The following MAD1L1 variants were observed in gnomAD, a reference collection of about 807,000 sequenced individuals.
MAD1L1 encodes mitotic spindle assembly checkpoint protein MAD1.
MAD1L1 carries 95 observed loss-of-function variants against 96.9 expected under a neutral mutation model. The observed-to-expected ratio is 0.98, with a 90% CI of 0.83 to 1.16. The LOEUF is 1.16. MAD1L1 is among the 50% of genes most tolerant of loss of function. The pLI is 0.00. For missense variants in MAD1L1, 1,007 were observed against 954.4 expected, an observed-to-expected ratio of 1.06 and a Z score of -0.73; for synonymous variants, 473 against 396.6, an observed-to-expected ratio of 1.19 and a Z score of -2.29.
At chr7:2,085,506 G>C (rs1186536382) in intron 11 of MAD1L1, among the ~76,000 whole-genome samples, 1 of 152,254 alleles carries the variant, frequency 6.6e-6, no homozygotes, top group African/African-American at 2.4e-5. Flanking sequence ...GGCCACGGCA[G>C]TGTCTCAGGA....
chr7:2,143,511 G>T (rs1789144701), intron 11 of MAD1L1, among the ~76,000 whole-genome samples: 1 of 151,782 alleles, frequency 6.6e-6, no homozygotes, highest in Non-Finnish European at 1.5e-5. Context: ...GAGGCAGGAA[G>T]AGGCTCAGAA....
intron 10 of MAD1L1, among the ~76,000 whole-genome samples, chr7:2,200,995 C>T (rs1006818975): frequency 7.1e-5 from 10 of 140,962 alleles, no homozygotes; most frequent in African/African-American, 2.3e-4. Context: ...AGGTGGAGGG[C>T]GGGAAGGGTG....
At chr7:2,167,680 T>C (rs1215666675) in intron 10 of MAD1L1, among the ~76,000 whole-genome samples, 2 of 151,592 alleles carry the variant, frequency 1.3e-5, no homozygotes, top group African/African-American at 4.9e-5. Context: ...TAGTGAGCTA[T>C]GATCACATCA....
At chr7:2,170,957 G>A (rs143169587) in intron 10 of MAD1L1, among the ~76,000 whole-genome samples, 1 of 152,284 alleles carries the variant, frequency 6.6e-6, no homozygotes, top group Non-Finnish European at 1.5e-5. Context: ...GGGGGTTGGC[G>A]GTTATAGGTG....
In MAD1L1 at chr7:1,815,991, C is replaced by T. The variant is rs1781774672; in HGVS notation, c.*79G>A. The T allele has an allele frequency of 1.3e-6, 2 of 1,482,204 alleles. No individual in the cohort carries two copies. The highest frequency in any genetic ancestry group is 1.8e-6 in the Non-Finnish European group (2 of 1,105,044). The allele number at this position is 1,482,204 out of a possible 1,614,324, so 91.8% of individuals were successfully genotyped here. A position where few individuals can be genotyped will look rare whatever the true frequency, so the allele number is the denominator to read the frequency against. ...GGGCTGGAGAGGCAGGACGTGCACC[C>T]AGCCTGTGGCTGGCGGGGCAGGGGA... On this transcript the variant is annotated 3_prime_UTR_variant, in exon 19 of 19. Transcript: ENST00000265854.
intron 18 of MAD1L1, among the ~76,000 whole-genome samples, chr7:1,829,075 C>A (rs12534763): frequency 3.9e-5 from 6 of 152,012 alleles, no homozygotes; most frequent in African/African-American, 1.5e-4. Flanking sequence ...AACGGAAAGA[C>A]AGACATAAAG....
intron 10 of MAD1L1, among the ~76,000 whole-genome samples, chr7:2,183,653 C>CA (rs1216447912): frequency 1.3e-5 from 2 of 150,778 alleles, no homozygotes; most frequent in Non-Finnish European, 2.9e-5. Flanking sequence ...ATCACAAGGA[C>CA]AAAAAACCAA....
intron 18 of MAD1L1, chr7:1,847,587 G>A (rs1047631841): frequency 1.1e-5 from 5 of 471,098 alleles, no homozygotes; most frequent in South Asian, 3.1e-5. Flanking sequence ...TTCTGAAACC[G>A]GGATGCACAC....
intron 18 of MAD1L1, among the ~76,000 whole-genome samples, chr7:1,895,371 G>A (rs1194620582): frequency 1.3e-5 from 2 of 152,268 alleles, no homozygotes; most frequent in South Asian, 2.1e-4. Context: ...CCTGGCAACA[G>A]CTGCACTTGG....
chr7:2,032,945 A>C (rs1783296348), intron 12 of MAD1L1, among the ~76,000 whole-genome samples: 1 of 152,244 alleles, frequency 6.6e-6, no homozygotes. Flanking sequence ...GCGCCCCCGC[A>C]GAAGGACGTG....
At chr7:1,934,080 T>C (rs1183392305) in intron 17 of MAD1L1, among the ~76,000 whole-genome samples, 1 of 152,202 alleles carries the variant, frequency 6.6e-6, no homozygotes, top group Non-Finnish European at 1.5e-5. Flanking sequence ...ACCAACACTG[T>C]GATTTTTGGG....
intron 11 of MAD1L1, among the ~76,000 whole-genome samples, chr7:2,141,163 G>A (rs543217247): frequency 1.3e-5 from 2 of 152,336 alleles, no homozygotes; most frequent in African/African-American, 4.8e-5. Flanking sequence ...TGCCTGGGGA[G>A]GGAACAGGTT....
At chr7:1,913,144 A>C (rs2128451468) in intron 17 of MAD1L1, among the ~76,000 whole-genome samples, 1 of 152,278 alleles carries the variant, frequency 6.6e-6, no homozygotes, top group African/African-American at 2.4e-5. Flanking sequence ...AGTCTATGAA[A>C]ACCTGCTAAT....
chr7:2,044,779 A>C (rs1016400516), intron 12 of MAD1L1, among the ~76,000 whole-genome samples: 1 of 152,206 alleles, frequency 6.6e-6, no homozygotes, highest in African/African-American at 2.4e-5. Context: ...CAGCTCAGTG[A>C]GACAGACCCC....
chr7:2,109,468 C>G (rs1302181577), intron 11 of MAD1L1: 1 of 152,174 alleles, frequency 6.6e-6, no homozygotes, highest in Non-Finnish European at 1.5e-5. Flanking sequence ...CAACTCACTT[C>G]CTATGTTTGT....
At chr7:1,821,224 C>A (rs1481344149) in intron 18 of MAD1L1, among the ~76,000 whole-genome samples, 1 of 151,986 alleles carries the variant, frequency 6.6e-6, no homozygotes, top group African/African-American at 2.4e-5. Context: ...TGGATGGATT[C>A]CTCGAAAACC....
intron 18 of MAD1L1, among the ~76,000 whole-genome samples, chr7:1,880,396 AG>A (rs1785617064): frequency 6.6e-6 from 1 of 152,104 alleles, no homozygotes; most frequent in Non-Finnish European, 1.5e-5. Flanking sequence ...GGGAGCTGCT[AG>A]GACCTCCCTG....
chr7:1,953,327 T>G (rs1487659999), intron 16 of MAD1L1, among the ~76,000 whole-genome samples: 1 of 152,206 alleles, frequency 6.6e-6, no homozygotes, highest in Admixed American at 6.5e-5. Context: ...GGCTCTTGTC[T>G]GGTCTCTTTC....
intron 14 of MAD1L1, among the ~76,000 whole-genome samples, chr7:1,983,142 GCGCGCGCGCGCGCACACACA>G (rs1305129384): frequency 4.4e-4 from 43 of 96,770 alleles, no homozygotes; most frequent in African/African-American, 1.8e-3. Flanking sequence ...ACGCGCGCGC[GCGCGCGCGCGCGCACACACA>G]CACACACACA....
Sources: gnomAD v4.1 joint callset for allele counts (sites outside exome capture counted in the v4.1 genomes callset) on GRCh38, gnomAD v4.1.1 for gene constraint, MANE v1.5 for transcripts, NCBI Gene and HGNC (gene_info 2026-07-23, HGNC 2026-07-21) for gene names.